The following PLXNC1 variants were observed in gnomAD, a reference collection of about 807,000 sequenced individuals.
PLXNC1 encodes plexin C1, also known as plexin-C1.
PLXNC1 carries 75 observed loss-of-function variants against 178.2 expected under a neutral mutation model. The observed-to-expected ratio is 0.42, with a 90% confidence interval of 0.35 to 0.51. The LOEUF is 0.51. PLXNC1 is among the 20% of genes least tolerant of loss of function. The pLI, the probability that PLXNC1 is intolerant of heterozygous loss-of-function variation, is 0.02. For synonymous variants in PLXNC1, 790 were observed against 779.9 expected (o/e 1.01, Z -0.22); for missense variants, 1,503 against 1,984.4 (o/e 0.76, Z 4.61).
intron 1 of PLXNC1, among the ~76,000 whole-genome samples, chr12:94,161,578 C>G (rs1422171971): frequency 6.6e-6 from 1 of 152,178 alleles, no homozygotes; most frequent in Non-Finnish European, 1.5e-5. Flanking sequence ...TGGGAAAGGA[C>G]AATCCTATTA....
intron 20 of PLXNC1, chr12:94,262,695 C>T (rs1472338950): frequency 1.0e-6 from 1 of 985,290 alleles, no homozygotes; most frequent in African/African-American, 1.7e-5. Flanking sequence ...TCTGGGACAC[C>T]GACAGCCCTA....
At chr12:94,168,710 C>T (rs1405368245) in intron 1 of PLXNC1, among the ~76,000 whole-genome samples, 1 of 152,196 alleles carries the variant, frequency 6.6e-6, no homozygotes, top group African/African-American at 2.4e-5. Flanking sequence ...CCAACAGGAT[C>T]GTCCGTGTCA....
intron 4 of PLXNC1, among the ~76,000 whole-genome samples, chr12:94,197,625 A>T (rs1962967473): frequency 6.6e-6 from 1 of 152,164 alleles, no homozygotes; most frequent in South Asian, 2.1e-4. Flanking sequence ...ATTCTGTAAT[A>T]GCAACACAAA....
intron 20 of PLXNC1, chr12:94,262,757 C>T: frequency 1.1e-5 from 11 of 985,474 alleles, no homozygotes; most frequent in Middle Eastern, 5.2e-4. Flanking sequence ...AGCTCCGTGA[C>T]CGCCAGGTAA....
chr12:94,197,385 G>C (rs1962953012), intron 4 of PLXNC1, among the ~76,000 whole-genome samples: 1 of 151,600 alleles, frequency 6.6e-6, no homozygotes, highest in African/African-American at 2.4e-5. Flanking sequence ...TTGCAGGAGT[G>C]GGTTACTTAT....
At chr12:94,165,508 G>A (rs1961576583) in intron 1 of PLXNC1, among the ~76,000 whole-genome samples, 1 of 152,198 alleles carries the variant, frequency 6.6e-6, no homozygotes, top group South Asian at 2.1e-4. Flanking sequence ...ACTGTGGCCA[G>A]GGTCCTCCAG....
At chr12:94,284,618 C>A (rs1343250246) in intron 23 of PLXNC1, among the ~76,000 whole-genome samples, 1 of 151,994 alleles carries the variant, frequency 6.6e-6, no homozygotes, top group African/African-American at 2.4e-5. Context: ...TATTATTAAC[C>A]CCACTTTATA....
At chr12:94,274,154 C>CAA (rs1965762740) in intron 21 of PLXNC1, among the ~76,000 whole-genome samples, 1 of 34,836 alleles carries the variant, frequency 2.9e-5, no homozygotes, top group Non-Finnish European at 4.8e-5. Flanking sequence ...GACCCTGTCT[C>CAA]TAAAAAAAAA....
At chr12:94,153,164 C>T (rs1961021842) in intron 1 of PLXNC1, among the ~76,000 whole-genome samples, 1 of 152,232 alleles carries the variant, frequency 6.6e-6, no homozygotes, top group Admixed American at 6.5e-5. Flanking sequence ...ATCCGTTAAG[C>T]AGCTTGCTCA....
intron 17 of PLXNC1, among the ~76,000 whole-genome samples, chr12:94,256,785 A>C (rs1230192512): frequency 6.6e-6 from 1 of 151,732 alleles, no homozygotes; most frequent in African/African-American, 2.4e-5. Flanking sequence ...TAAATTTGGT[A>C]ATCAAGAACA....
At chr12:94,304,143 C>G in intron 30 of PLXNC1, 92 bp downstream of exon 30, 2 of 809,676 alleles carry the variant, frequency 2.5e-6, no homozygotes, top group Non-Finnish European at 3.9e-6. Flanking sequence ...GCTCTGGCAT[C>G]CCAAAAGGCC....
In PLXNC1 at chr12:94,245,046, G is replaced by A. The variant is rs1478306805; in HGVS notation, c.2388+1021G>A. On this transcript the variant is annotated intron_variant, in intron 12 of 30. Coordinates refer to ENST00000258526, the MANE Select transcript of PLXNC1 (RefSeq NM_005761.3). ...CAGTGTGGGTTCAGACCCAAATTCC[G>A]GGGGCCGCCTGATAGGCCGTCCTTA... Among the ~76,000 whole-genome samples the A allele has an allele frequency of 3.3e-5, 5 of 152,164 alleles. No homozygotes were observed. In the South Asian group the frequency reaches 6.2e-4, roughly 19 times the overall value.
At chr12:94,162,406 C>T (rs1390155041) in intron 1 of PLXNC1, among the ~76,000 whole-genome samples, 2 of 152,094 alleles carry the variant, frequency 1.3e-5, no homozygotes, top group Admixed American at 6.5e-5. Context: ...GGTGTGAAGA[C>T]GTCATCAGGG....
intron 14 of PLXNC1, among the ~76,000 whole-genome samples, chr12:94,249,930 T>TG (rs1240627694): frequency 2.9e-4 from 4 of 13,760 alleles, no homozygotes; most frequent in African/African-American, 5.9e-4. Flanking sequence ...AGCACCAGTG[T>TG]GGGGGGGTGG....
At chr12:94,277,968 G>A (rs532883449) in intron 21 of PLXNC1, 10 of 455,976 alleles carry the variant, frequency 2.2e-5, no homozygotes, top group Non-Finnish European at 3.1e-5. Context: ...TGAGCCCTAG[G>A]CAAATCAGAC....
In PLXNC1 at chr12:94,255,283, C is replaced by T. The variant is rs775812297; in HGVS notation, c.3074C>T (p.Thr1025Ile). The T allele has an allele frequency of 5.0e-6, 8 of 1,604,444 alleles. No homozygotes were observed. The South Asian group carries it at 8.8e-5, about 18-fold the overall frequency. Residue 1025 changes from threonine to isoleucine, a missense_variant, in exon 17 of 31, where the codon ACT becomes ATT. Transcript: ENST00000258526. Reference protein sequence around the residue: ...FLDYKHFALRTFFPESGGFTH... With the variant: ...FLDYKHFALRIFFPESGGFTH... ...GACTACAAACATTTTGCTCTGAGAA[C>T]TTTCTTCCCTGAGGTAAAAGAGCAT...
At chr12:94,229,824 G>A (rs141524579) in intron 9 of PLXNC1, among the ~76,000 whole-genome samples, 2 of 152,294 alleles carry the variant, frequency 1.3e-5, no homozygotes, top group African/African-American at 4.8e-5. Flanking sequence ...TTGAAATCAG[G>A]AAATGTGAAT....
chr12:94,186,521 C>T, intron 4 of PLXNC1, 48 bp downstream of exon 4: 1 of 1,212,678 alleles, frequency 8.2e-7, no homozygotes, highest in Non-Finnish European at 1.2e-6. Flanking sequence ...GAAAAAGTGT[C>T]ATGCGGCAGA....
chr12:94,193,785 C>T (rs1302401336), intron 4 of PLXNC1, among the ~76,000 whole-genome samples: 2 of 152,010 alleles, frequency 1.3e-5, no homozygotes, highest in Admixed American at 1.3e-4. Context: ...GCTGGGGTGA[C>T]CAGATGGACA....
Sources: allele counts gnomAD v4.1 joint callset (sites outside exome capture counted in the v4.1 genomes callset), GRCh38; gene constraint gnomAD v4.1.1; transcripts MANE v1.5; gene names NCBI Gene and HGNC (gene_info 2026-07-23, HGNC 2026-07-21).